Variants in SV2C observed in about 807,000 individuals in gnomAD.
SV2C encodes the protein synaptic vesicle glycoprotein 2C, also known as solute carrier family 22 member B3.
A neutral mutation model predicts 79.7 loss-of-function variants in SV2C; 49 were observed. That is an observed-to-expected ratio of 0.61 (90% CI 0.49 to 0.78). The LOEUF (loss-of-function observed/expected upper bound fraction) is 0.78, where lower values mean the gene tolerates loss of function less well. Among genes scored for constraint, SV2C ranks in the 30% least tolerant of loss-of-function variants. The pLI, the probability that SV2C is intolerant of heterozygous loss-of-function variation, is 0.00. For synonymous variants in SV2C, 334 were observed against 333.2 expected, an observed-to-expected ratio of 1.00 and a Z score of -0.03; for missense variants, 833 against 912.9, an observed-to-expected ratio of 0.91 and a Z score of 1.13.
At chr5:76,032,810 G>T in the SV2C span, among the ~76,000 whole-genome samples, 1 of 152,110 alleles carries the variant, frequency 6.6e-6, no homozygotes, top group Admixed American at 6.6e-5. Context: ...CTAGACCCCG[G>T]AAAATCGCCA....
intron 1 of SV2C, among the ~76,000 whole-genome samples, chr5:76,119,983 T>C (rs188482638): frequency 1.6e-4 from 25 of 152,322 alleles, no homozygotes; most frequent in Non-Finnish European, 3.4e-4. Flanking sequence ...GTATTGTATA[T>C]TTCAAAAAGC....
chr5:75,965,234 C>G, the SV2C span, among the ~76,000 whole-genome samples: 5,452 of 152,246 alleles, frequency 0.036, 306 homozygotes, highest in African/African-American at 0.12. Context: ...ACCAATCACT[C>G]TGGCCTTCAA....
the SV2C span, among the ~76,000 whole-genome samples, chr5:75,934,282 GTTTCTTTT>G: frequency 9.1e-6 from 1 of 110,298 alleles, no homozygotes; most frequent in Admixed American, 8.4e-5. Flanking sequence ...CAGAGTTGTT[GTTTCTTTT>G]TTTCTTTCTT....
intron 4 of SV2C, among the ~76,000 whole-genome samples, chr5:76,248,335 T>C (rs1746007205): frequency 6.6e-6 from 1 of 152,182 alleles, no homozygotes; most frequent in African/African-American, 2.4e-5. Flanking sequence ...GAGGCCTCTT[T>C]CCCTGGCTTT....
chr5:75,986,987 G>A, the SV2C span, among the ~76,000 whole-genome samples: 2 of 151,772 alleles, frequency 1.3e-5, no homozygotes, highest in Admixed American at 1.3e-4. Context: ...AAAAGATAGG[G>A]GCTTACTAAA....
chr5:76,230,398 G>A (rs1745376782), intron 4 of SV2C, among the ~76,000 whole-genome samples: 1 of 152,230 alleles, frequency 6.6e-6, no homozygotes, highest in Non-Finnish European at 1.5e-5. Flanking sequence ...AATGAATTCA[G>A]TTCTCTGCAC....
Position 76,174,043 on chromosome 5 carries a change from A to AT in SV2C, c.581-20875dup, listed in dbSNP as rs764719436. 3.8e-6 allele frequency: 6 copies of AT among 1,571,294 alleles called. No homozygotes were observed. The African/African-American group carries it at 8.1e-5, about 21-fold the overall frequency. On this transcript the variant is annotated intron_variant, in intron 2 of 12. Coordinates refer to ENST00000502798, the MANE Select transcript of SV2C (RefSeq NM_014979.4). ...AGATTTCAAGCATACACTGTTGTGC[A>AT]TCTACTTCAACTTGCTCTCTATAAG... is the stretch of plus-strand genomic sequence containing the variant.
the SV2C span, among the ~76,000 whole-genome samples, chr5:75,880,026 T>A: frequency 3.9e-5 from 6 of 152,178 alleles, no homozygotes; most frequent in African/African-American, 1.4e-4. Flanking sequence ...TAGGGCCCTT[T>A]GAGCCATGGC....
At chr5:75,860,728 G>A in the SV2C span, among the ~76,000 whole-genome samples, 1 of 152,122 alleles carries the variant, frequency 6.6e-6, no homozygotes, top group South Asian at 2.1e-4. Flanking sequence ...TGTGGTACTA[G>A]TACAAAAACA....
the SV2C span, among the ~76,000 whole-genome samples, chr5:75,943,304 G>C: frequency 2.0e-5 from 3 of 152,106 alleles, no homozygotes; most frequent in Non-Finnish European, 4.4e-5. Flanking sequence ...AGTACTGATG[G>C]TTATTAGTCT....
chr5:76,265,724 C>G lies in SV2C; in HGVS notation c.914-19438C>G, dbSNP rs570730809. ...CCTTGGATGGGAAAGGGAGGCCCCC[C>G]TCCACCGCTCCTTGCACTCCCCACT... On this transcript the variant is annotated intron_variant, in intron 4 of 12. Coordinates refer to ENST00000502798, the MANE Select transcript of SV2C (RefSeq NM_014979.4). Among the ~76,000 whole-genome samples, 130 of 152,190 alleles carry G rather than the reference C, an allele frequency of 8.5e-4. No individual in the cohort carries two copies. The Middle Eastern group carries it at 0.01, about 12-fold the overall frequency.
At chr5:75,899,524 G>GA in the SV2C span, among the ~76,000 whole-genome samples, 2 of 152,022 alleles carry the variant, frequency 1.3e-5, no homozygotes. Context: ...GTGTGGTGCT[G>GA]AAAAAAATGT....
chr5:76,301,026 A>G, intron 11 of SV2C, 94 bp downstream of exon 11: 1 of 1,365,844 alleles, frequency 7.3e-7, no homozygotes, highest in Non-Finnish European at 1.0e-6. Flanking sequence ...AGGGATTTGC[A>G]TCCAATAAGG....
chr5:75,881,263 G>A, the SV2C span, among the ~76,000 whole-genome samples: 6 of 152,026 alleles, frequency 3.9e-5, no homozygotes, highest in East Asian at 1.9e-4. Context: ...ATTAATCTGA[G>A]GAAATTAATA....
upstream of SV2C, chr5:76,079,818 C>T (rs1746954024): frequency 5.2e-6 from 1 of 191,724 alleles, no homozygotes; most frequent in South Asian, 1.1e-4. Context: ...TTTTCACTTC[C>T]ATATGCTGTA....
chr5:76,102,720 G>A (rs1380279776), intron 1 of SV2C, among the ~76,000 whole-genome samples: 1 of 152,188 alleles, frequency 6.6e-6, no homozygotes, highest in Non-Finnish European at 1.5e-5. Context: ...GTGTTCTGCA[G>A]AGCCATGTGA....
intron 4 of SV2C, among the ~76,000 whole-genome samples, chr5:76,271,475 A>G (rs1408553423): frequency 1.3e-5 from 2 of 152,228 alleles, no homozygotes; most frequent in African/African-American, 4.8e-5. Context: ...TTGACCTAAT[A>G]GATGTATGTA....
intron 2 of SV2C, among the ~76,000 whole-genome samples, chr5:76,177,228 ATC>A (rs1337880996): frequency 3.8e-5 from 2 of 53,182 alleles, no homozygotes; most frequent in African/African-American, 2.4e-4. Flanking sequence ...AAATATATTA[ATC>A]TGTATATATG....
chr5:76,030,350 A>C, the SV2C span, among the ~76,000 whole-genome samples: 1 of 144,350 alleles, frequency 6.9e-6, no homozygotes, highest in Non-Finnish European at 1.5e-5. Context: ...GTAGGGAATA[A>C]GAATTATTTG....
Sources: gnomAD v4.1 joint callset for allele counts (sites outside exome capture counted in the v4.1 genomes callset) on GRCh38, gnomAD v4.1.1 for gene constraint, MANE v1.5 for transcripts, NCBI Gene and HGNC (gene_info 2026-07-23, HGNC 2026-07-21) for gene names.